PTPN7: variants seen among roughly 807,000 people sequenced by gnomAD.
PTPN7 encodes tyrosine-protein phosphatase non-receptor type 7.
Under a neutral mutation model 50.3 loss-of-function variants are expected in PTPN7, and 33 were observed. That is an observed-to-expected ratio of 0.66 (90% CI 0.50 to 0.88). PTPN7 has a LOEUF of 0.88. Among genes scored for constraint, PTPN7 ranks in the 40% least tolerant of loss-of-function variants. The pLI is 0.00. For synonymous variants in PTPN7, 185 were observed against 186.6 expected (o/e 0.99, Z 0.07); for missense variants, 412 against 475.4 (o/e 0.87, Z 1.24).
upstream of PTPN7, chr1:202,161,022 AGGCCCTCTCCCTC>A (rs1289986463): frequency 8.5e-3 from 8,699 of 1,027,772 alleles, 441 homozygotes; most frequent in African/African-American, 0.16. Flanking sequence ...CTCTCCCTCA[AGGCCCTCTCCCTC>A]AAGGCCCTCT....
Position 202,159,435 on chromosome 1 carries a change from C to A in PTPN7, c.-33G>T, listed in dbSNP as rs747215871. 1 of 1,613,964 alleles carries A rather than the reference C, an allele frequency of 6.2e-7. No individual in the cohort carries two copies. The highest frequency in any genetic ancestry group is 8.5e-7 in the Non-Finnish European group (1 of 1,179,882). On this transcript the variant is annotated 5_prime_UTR_variant, in exon 2 of 10. It removes the in-frame stop codon of an upstream open reading frame in the 5' UTR. Transcript: ENST00000691036. The surrounding 1 kb of genome is among the most constrained non-coding windows in gnomAD (Gnocchi z 4.6). ...TGGGGTGCTGGGCCCAGGGGAGGCT[C>A]ACTCAGCCATGAGGTCTGCCTGAAA... is the stretch of plus-strand genomic sequence containing the variant.
chr1:202,157,585 G>A (rs1656816447), intron 4 of PTPN7, among the ~76,000 whole-genome samples, 154 bp downstream of exon 4: 1 of 152,090 alleles, frequency 6.6e-6, no homozygotes, highest in Admixed American at 6.6e-5. Context: ...TGCTGCTGTT[G>A]TGATTCTTGC....
chr1:202,151,186 T>C (rs1655970275), intron 8 of PTPN7, among the ~76,000 whole-genome samples: 1 of 152,208 alleles, frequency 6.6e-6, no homozygotes, highest in Non-Finnish European at 1.5e-5. Flanking sequence ...TCTTAGCCAG[T>C]CCTCCAAGTC....
intron 4 of PTPN7, among the ~76,000 whole-genome samples, chr1:202,156,889 C>T (rs984819772): frequency 5.1e-4 from 77 of 152,264 alleles, no homozygotes; most frequent in African/African-American, 1.7e-3. Context: ...GTGCTTGCTC[C>T]GGGTCTGCCA....
chr1:202,161,058 T>G, upstream of PTPN7: 1 of 1,381,934 alleles, frequency 7.2e-7, no homozygotes, highest in Non-Finnish European at 9.3e-7. Context: ...CTCAAAGCCC[T>G]TGCTGCTTCA....
chr1:202,148,774 C>CAGTAGGACCACAGGGA, intron 9 of PTPN7, 75 bp from the exon 10 acceptor site: 2 of 1,276,478 alleles, frequency 1.6e-6, no homozygotes, highest in Non-Finnish European at 1.1e-6. Flanking sequence ...TCAAACATCC[C>CAGTAGGACCACAGGGA]TGTGGTCCTA....
intron 8 of PTPN7, among the ~76,000 whole-genome samples, chr1:202,150,858 G>C (rs1280311400): frequency 6.6e-6 from 1 of 151,978 alleles, no homozygotes; most frequent in East Asian, 1.9e-4. Flanking sequence ...TCCCACCTTG[G>C]CGCCCTCCCA....
Position 202,148,383 on chromosome 1 carries a change from G to T in PTPN7, c.*223C>A. 1 of 467,918 alleles carries T rather than the reference G, an allele frequency of 2.1e-6. No homozygotes were observed. Among genetic ancestry groups the T allele is most frequent in the Non-Finnish European group, 3.8e-6 (1 of 261,612 alleles). 29.0% of individuals were successfully genotyped at this position (467,918 alleles called of 1,614,324 possible). A position where few individuals can be genotyped will look rare whatever the true frequency, so the allele number is the denominator to read the frequency against. ...GGAGGTTCCCCTTACTGTCCATCTG[G>T]GGCCAACAGAGGAAGCAGAGGAGTG... is the stretch of plus-strand genomic sequence containing the variant. On this transcript the variant is annotated 3_prime_UTR_variant, in exon 10 of 10. Transcript: ENST00000691036.
chr1:202,157,684 TTC>T lies in PTPN7; in HGVS notation c.391+53_391+54del, dbSNP rs1656828712. 30 of 1,514,660 alleles carry T rather than the reference TTC, an allele frequency of 2.0e-5. No homozygotes were observed. The South Asian group carries it at 3.4e-4, about 17-fold the overall frequency. The allele number at this position is 1,514,660 out of a possible 1,614,324, so 93.8% of individuals were successfully genotyped here. A position where few individuals can be genotyped will look rare whatever the true frequency, so the allele number is the denominator to read the frequency against. On this transcript the variant is annotated intron_variant, in intron 4 of 9. Transcript: ENST00000691036. ...AAACTGTGTACTTTGTCCTCTGAAGTTCTCTAGCCCCAGGGACTGTACCCGAC... is the reference window on the plus strand; with the variant it reads ...AAACTGTGTACTTTGTCCTCTGAAGTTCTAGCCCCAGGGACTGTACCCGAC...
chr1:202,154,431 C>A (rs775324841), intron 5 of PTPN7, 108 bp from the exon 6 acceptor site: 2 of 1,314,562 alleles, frequency 1.5e-6, no homozygotes, highest in Admixed American at 2.5e-5. Flanking sequence ...GTGAACCACA[C>A]GTGTAGACGT....
Position 202,159,209 on chromosome 1 carries a change from C to T in PTPN7, c.122+72G>A, listed in dbSNP as rs1463596658. Reference sequence around the variant, plus strand: ...GACCCTGCTGTCAGAGCTGGAGGGGCAGATGGAAGGAAGGGAGGAGCGGAA... The same window carrying T: ...GACCCTGCTGTCAGAGCTGGAGGGGTAGATGGAAGGAAGGGAGGAGCGGAA... On this transcript the variant is annotated intron_variant, in intron 2 of 9. Coordinates refer to ENST00000691036, the MANE Select transcript of PTPN7 (RefSeq NM_002832.4). The surrounding 1 kb of genome is among the most constrained non-coding windows in gnomAD (Gnocchi z 4.6). 8.1e-6 allele frequency: 12 copies of T among 1,473,694 alleles called. No homozygotes were observed. The East Asian group carries it at 1.1e-4, about 14-fold the overall frequency. 91.3% of individuals were successfully genotyped at this position (1,473,694 alleles called of 1,614,324 possible). A position where few individuals can be genotyped will look rare whatever the true frequency, so the allele number is the denominator to read the frequency against.
At chr1:202,155,991 C>A (rs1421825145) in intron 4 of PTPN7, among the ~76,000 whole-genome samples, 2 of 152,126 alleles carry the variant, frequency 1.3e-5, no homozygotes, top group African/African-American at 4.8e-5. Context: ...CCAAGCTGGT[C>A]TTGAATTTCT....
intron 6 of PTPN7, among the ~76,000 whole-genome samples, 167 bp from the exon 7 acceptor site, chr1:202,154,002 C>T (rs1656353883): frequency 2.0e-5 from 3 of 152,084 alleles, no homozygotes; most frequent in South Asian, 4.2e-4. Context: ...GAGTGCTCAC[C>T]CTATCCCGTA....
chr1:202,157,860 T>C (rs751248936), intron 3 of PTPN7, 37 bp from the exon 4 acceptor site: 13 of 1,573,806 alleles, frequency 8.3e-6, no homozygotes, highest in Non-Finnish European at 1.1e-5. Context: ...AGCTGACTCC[T>C]AGCCTCCTTT....
At chr1:202,157,627 A>C (rs1656822683) in intron 4 of PTPN7, 112 bp downstream of exon 4, 2 of 945,308 alleles carry the variant, frequency 2.1e-6, no homozygotes, top group Non-Finnish European at 3.3e-6. Flanking sequence ...CTGAGAGAAG[A>C]TGTGCCAAGC....
At chr1:202,157,056 T>G (rs12131552) in intron 4 of PTPN7, among the ~76,000 whole-genome samples, 4,682 of 152,276 alleles carry the variant, frequency 0.031, 111 homozygotes, top group Middle Eastern at 0.1. Flanking sequence ...TGGCTGGGCA[T>G]TTCCCATGCA....
At chr1:202,150,904 G>A (rs181334273) in intron 8 of PTPN7, among the ~76,000 whole-genome samples, 153 of 151,950 alleles carry the variant, frequency 1.0e-3, no homozygotes, top group East Asian at 3.1e-3. Flanking sequence ...TTTCTCTATC[G>A]TGCCCTCTCT....
At chr1:202,157,996 A>C in intron 3 of PTPN7, 122 bp downstream of exon 3, 1 of 1,346,032 alleles carries the variant, frequency 7.4e-7, no homozygotes, top group Non-Finnish European at 1.0e-6. Flanking sequence ...TCAGCCCTGA[A>C]GTTCTCTTTC....
At chr1:202,155,960 G>A (rs1656612295) in intron 4 of PTPN7, among the ~76,000 whole-genome samples, 1 of 152,140 alleles carries the variant, frequency 6.6e-6, no homozygotes, top group South Asian at 2.1e-4. Flanking sequence ...TTTTTGTAGA[G>A]ATTGGGTTTC....
Sources: gnomAD v4.1 joint callset for allele counts (sites outside exome capture counted in the v4.1 genomes callset) on GRCh38, gnomAD v4.1.1 for gene constraint, Gnocchi (gnomAD v3.1) non-coding constraint, MANE v1.5 for transcripts, NCBI Gene and HGNC (gene_info 2026-07-23, HGNC 2026-07-21) for gene names.